Variants in SLBP observed in about 807,000 individuals in gnomAD.
SLBP encodes the protein histone RNA hairpin-binding protein.
SLBP carries 29 observed loss-of-function variants against 39.2 expected under a neutral mutation model. The ratio of observed to expected loss-of-function variants is 0.74; its 90% CI spans 0.55 to 1.01. The LOEUF is 1.01. Among genes scored for constraint, SLBP ranks in the 50% least tolerant of loss-of-function variants. SLBP has a pLI of 0.00. For synonymous variants in SLBP, 129 were observed against 118.7 expected, an observed-to-expected ratio of 1.09 and a Z score of -0.57; for missense variants, 390 against 350.2, an observed-to-expected ratio of 1.11 and a Z score of -0.91.
Position 1,696,128 on chromosome 4 carries a change from C to T in SLBP, c.629+74G>A, listed in dbSNP as rs1346389515. ...GGGGACTTGGCACCAGACCTCCTGT[C>T]CCAGTGGTGCGCAGCTGCTCCAGTC... On this transcript the variant is annotated intron_variant, in intron 6 of 7. Transcript: ENST00000489418. 6 of 1,332,100 alleles carry T rather than the reference C, an allele frequency of 4.5e-6. No individual in the cohort carries two copies. In the African/African-American group the frequency reaches 7.5e-5, roughly 17 times the overall value. The allele number at this position is 1,332,100 out of a possible 1,614,324, so 82.5% of individuals were successfully genotyped here. A position where few individuals can be genotyped will look rare whatever the true frequency, so the allele number is the denominator to read the frequency against.
Position 1,694,874 on chromosome 4 carries a change from C to T in SLBP, c.630-34G>A, listed in dbSNP as rs377346873. Reference sequence around the variant, plus strand: ...CAAGATCCAACATGTGCGTCAGGCACTAACTTAACAAAGCCAGGAGACGGG... The same window carrying T: ...CAAGATCCAACATGTGCGTCAGGCATTAACTTAACAAAGCCAGGAGACGGG... On this transcript the variant is annotated intron_variant, in intron 6 of 7. Transcript: ENST00000489418. The T allele has an allele frequency of 4.6e-4, 685 of 1,494,382 alleles. 4 individuals are homozygous for T. The highest frequency in any genetic ancestry group is 6.0e-4 in the Non-Finnish European group (646 of 1,071,106). 92.6% of individuals were successfully genotyped at this position (1,494,382 alleles called of 1,614,324 possible).
chr4:1,700,174 C>A, intron 3 of SLBP, 104 bp from the exon 4 acceptor site: 2 of 667,694 alleles, frequency 3.0e-6, no homozygotes, highest in South Asian at 2.1e-5. Context: ...CCATCCTATG[C>A]AATCCAGAAG....
chr4:1,708,562 C>T (rs1257335227), intron 2 of SLBP, among the ~76,000 whole-genome samples: 1 of 152,204 alleles, frequency 6.6e-6, no homozygotes, highest in African/African-American at 2.4e-5. Context: ...TCAAGAGGTT[C>T]AAGTCTGGGT....
intron 2 of SLBP, among the ~76,000 whole-genome samples, chr4:1,706,834 T>C (rs1716536049): frequency 6.6e-6 from 1 of 151,246 alleles, no homozygotes; most frequent in African/African-American, 2.4e-5. Flanking sequence ...AAAAAATAAA[T>C]GAATAAATAA....
intron 3 of SLBP, among the ~76,000 whole-genome samples, chr4:1,702,958 ATAGT>A (rs1282384716): frequency 3.3e-5 from 5 of 152,106 alleles, no homozygotes; most frequent in South Asian, 2.1e-4. Context: ...TAAGTTCCTG[ATAGT>A]TAGGCCGGGC....
rs1716796615 is a variant in SLBP, at chr4:1,711,990, G to A, written c.60C>T (p.Ser20=). ...RHQSRCDGDA[S]PPSPARWSLG... is the part of the protein sequence containing the mutation. ...GGCTCCATCGCGCGGGGGACGGCGG[G>A]CTGCGGGGAGGGACGCGGTCGGCTG... is the stretch of plus-strand genomic sequence containing the variant. The change falls in exon 2 of 8, where the codon AGC becomes AGT. Residue 20 remains serine (S), a splice_region_variant and synonymous_variant. Transcript: ENST00000489418. The A allele has an allele frequency of 3.1e-6, 4 of 1,291,018 alleles. No individual in the cohort carries two copies. The highest frequency in any genetic ancestry group is 3.9e-6 in the Non-Finnish European group (4 of 1,018,892). The allele number at this position is 1,291,018 out of a possible 1,614,324, so 80.0% of individuals were successfully genotyped here.
chr4:1,693,705 G>C lies in SLBP; in HGVS notation c.705C>G (p.Tyr235Ter). 1 of 1,607,836 alleles carries C rather than the reference G, an allele frequency of 6.2e-7. No individual in the cohort carries two copies. Among genetic ancestry groups the C allele is most frequent in the Non-Finnish European group, 8.5e-7 (1 of 1,174,382 alleles). The change falls in exon 8 of 8, where the codon TAC becomes TAG. Residue 235 changes from tyrosine to a stop codon, truncating the protein, a stop_gained. Coordinates refer to ENST00000489418, the MANE Select transcript of SLBP (RefSeq NM_006527.4). LOFTEE classifies it high-confidence loss of function. ...QTSSQDDFDV[Y>*]SGTPTKVRHM... ...GTCTCACCTTGGTGGGTGTGCCAGA[G>C]TACACATCCTGGAAAACAGAAGCAT...
chr4:1,693,772 T>G, intron 7 of SLBP, 59 bp from the exon 8 acceptor site: 34 of 952,370 alleles, frequency 3.6e-5, no homozygotes, highest in Middle Eastern at 2.1e-4. Flanking sequence ...CAGGGGCCCC[T>G]TCCTACACCC....
intron 3 of SLBP, among the ~76,000 whole-genome samples, chr4:1,703,087 AT>A (rs1289976537): frequency 6.6e-6 from 1 of 152,032 alleles, no homozygotes; most frequent in Non-Finnish European, 1.5e-5. Context: ...AAATACAAAA[AT>A]TAGCCAGGCG....
chr4:1,699,592 A>G lies in SLBP; in HGVS notation c.451T>C (p.Tyr151His). ...QINYGKNTIA[Y>H]DRYIKEVPRH... Reference sequence around the variant, plus strand: ...GGGACTTCTTTAATATAACGATCGTAGGCAATTGTGTTCTTCCCATAGTTG... The same window carrying G: ...GGGACTTCTTTAATATAACGATCGTGGGCAATTGTGTTCTTCCCATAGTTG... The change falls in exon 5 of 8, where the codon TAC becomes CAC. Residue 151 changes from tyrosine (Y) to histidine (H), a missense_variant. Coordinates refer to ENST00000489418, the MANE Select transcript of SLBP (RefSeq NM_006527.4). The G allele has an allele frequency of 6.2e-7, 1 of 1,613,910 alleles. No homozygotes were observed. The highest frequency in any genetic ancestry group is 8.5e-7 in the Non-Finnish European group (1 of 1,179,778).
chr4:1,700,591 ACT>A (rs760914872), intron 3 of SLBP, among the ~76,000 whole-genome samples: 3 of 151,168 alleles, frequency 2.0e-5, no homozygotes, highest in South Asian at 4.2e-4. Flanking sequence ...ATGGGGTCTC[ACT>A]CTGTCACCCA....
chr4:1,703,674 G>GGT lies in SLBP; in HGVS notation c.201_202dup (p.Pro68HisfsTer18). The GGT allele has an allele frequency of 6.2e-7, 1 of 1,613,338 alleles. No homozygotes were observed. Among genetic ancestry groups the GGT allele is most frequent in the Non-Finnish European group, 8.5e-7 (1 of 1,179,292 alleles). On this transcript the variant is annotated frameshift_variant, in exon 3 of 8. Transcript: ENST00000489418. LOFTEE classifies it high-confidence loss of function. ...TGCCCAGTCAGAGCATCTGGAACGG[G>GGT]GTTTAGGGCCTTCAGGAGTGGTAAA... is the stretch of plus-strand genomic sequence containing the variant.
chr4:1,703,785 G>A (rs914989305), intron 2 of SLBP, 85 bp from the exon 3 acceptor site: 4 of 952,490 alleles, frequency 4.2e-6, no homozygotes, highest in Admixed American at 3.5e-5. Flanking sequence ...TCAAAGGCTG[G>A]TGGGACACAG....
intron 5 of SLBP, among the ~76,000 whole-genome samples, chr4:1,699,350 T>C (rs1328258929): frequency 6.6e-6 from 1 of 152,208 alleles, no homozygotes; most frequent in Admixed American, 6.5e-5. Flanking sequence ...CATTCAAAAT[T>C]ATATGAAAAT....
At chr4:1,709,003 T>C (rs1716628388) in intron 2 of SLBP, among the ~76,000 whole-genome samples, 1 of 152,260 alleles carries the variant, frequency 6.6e-6, no homozygotes, top group African/African-American at 2.4e-5. Context: ...AAGGTTTGTT[T>C]ACCTTCCCTT....
At chr4:1,702,096 G>A (rs140311011) in intron 3 of SLBP, among the ~76,000 whole-genome samples, 425 of 152,320 alleles carry the variant, frequency 2.8e-3, no homozygotes, top group Middle Eastern at 0.01. Context: ...AATAAGAGCT[G>A]CAGATAACCC....
At position 1,707,750 on chromosome 4, in the gene SLBP, G is replaced by T. The variant is rs1456001701; in HGVS notation, c.177-4050C>A. Among the ~76,000 whole-genome samples the T allele has an allele frequency of 1.2e-4, 19 of 152,156 alleles. No homozygotes were observed. The South Asian group carries it at 3.9e-3, about 32-fold the overall frequency. On this transcript the variant is annotated intron_variant, in intron 2 of 7. Transcript: ENST00000489418. ...TCACAAGATCGGGAGTTTGAGACCA[G>T]CCTGGCCAACATGATGAAACCCTGC...
chr4:1,712,189 G>T lies in SLBP; in HGVS notation c.-1C>A. The T allele has an allele frequency of 8.0e-7, 1 of 1,247,048 alleles. No homozygotes were observed. Among genetic ancestry groups the T allele is most frequent in the South Asian group, 3.3e-5 (1 of 30,478 alleles). 77.2% of individuals were successfully genotyped at this position (1,247,048 alleles called of 1,614,324 possible). ...GCGGGCTTCGCGGGCGGCAGGCCAT[G>T]GCAGCACGGGCCGGGCGCGCAGCGC... On this transcript the variant is annotated 5_prime_UTR_variant, in exon 1 of 8. Transcript: ENST00000489418.
intron 2 of SLBP, 129 bp from the exon 3 acceptor site, chr4:1,703,829 C>T (rs987829784): frequency 3.3e-5 from 23 of 705,362 alleles, no homozygotes; most frequent in Non-Finnish European, 2.0e-5. Flanking sequence ...ACTTTGGAAA[C>T]TGAGGTAGGA....
Sources: allele counts gnomAD v4.1 joint callset (sites outside exome capture counted in the v4.1 genomes callset), GRCh38; gene constraint gnomAD v4.1.1; transcripts MANE v1.5; gene names NCBI Gene and HGNC (gene_info 2026-07-23, HGNC 2026-07-21).